Variants in CAVIN3 observed in about 807,000 individuals in gnomAD.
CAVIN3 encodes caveolae associated protein 3.
CAVIN3 carries 11 observed loss-of-function variants against 8.2 expected under a neutral mutation model. That is an observed-to-expected ratio of 1.35 (90% confidence interval 0.85 to 2.23). The LOEUF (loss-of-function observed/expected upper bound fraction) is 2.23. Among genes scored for constraint, CAVIN3 ranks in the 30% most tolerant of loss-of-function variants. The pLI, the probability that CAVIN3 is intolerant of heterozygous loss-of-function variation, is 0.00. For missense variants in CAVIN3, 401 were observed against 359.5 expected (o/e 1.12, Z -0.93); for synonymous variants, 191 against 166.3 (o/e 1.15, Z -1.14).
Position 6,320,139 on chromosome 11 carries a change from T to G in CAVIN3, c.338A>C (p.His113Pro). ...CTTCCCGCGCGCCACCAGCAGCCCGTGGTTGGCCTCCAGCCGCTGCACCTG... is the reference window on the plus strand; with the variant it reads ...CTTCCCGCGCGCCACCAGCAGCCCGGGGTTGGCCTCCAGCCGCTGCACCTG... ...AAQVQRLEAN[H>P]GLLVARGKLH... Residue 113 changes from histidine to proline, a missense_variant, in exon 1 of 2, where the codon CAC becomes CCC. His to Pro is a moderately conservative substitution (Grantham distance 77). Coordinates refer to ENST00000303927, the MANE Select transcript of CAVIN3 (RefSeq NM_145040.3). 1 of 1,588,760 alleles carries G rather than the reference T, an allele frequency of 6.3e-7. No individual in the cohort carries two copies. Among genetic ancestry groups the G allele is most frequent in the Non-Finnish European group, 8.5e-7 (1 of 1,175,792 alleles).
Position 6,319,249 on chromosome 11 carries a change from G to C in CAVIN3, c.700C>G (p.Pro234Ala), listed in dbSNP as rs781381437. 1 of 1,601,428 alleles carries C rather than the reference G, an allele frequency of 6.2e-7. No homozygotes were observed. The highest frequency in any genetic ancestry group is 8.5e-7 in the Non-Finnish European group (1 of 1,175,004). The change falls in exon 2 of 2, where the codon CCA becomes GCA. Residue 234 changes from proline to alanine, a missense_variant. Pro to Ala is a conservative substitution (Grantham distance 27). Coordinates refer to ENST00000303927, the MANE Select transcript of CAVIN3 (RefSeq NM_145040.3). ...TCCTCGGTGTCCTGCGGAGGCTCTG[G>C]CTCCAGCGTGGGCTCCAGCGCAGGC... ...AQPALEPTLEPEPPQDTEEDP... is the reference protein window; with the variant it reads ...AQPALEPTLEAEPPQDTEEDP...
In CAVIN3 at chr11:6,319,465, C is replaced by T. The variant is rs564718883; in HGVS notation, c.484G>A (p.Val162Ile). ...GGCTCCTCGTCCGAGCTCTCTCCAA[C>T]TTCGGCCTCCAGCTGCTCTGGGCCC... The part of the protein sequence containing the change: ...ELGPEQLEAE[V>I]GESSDEEPVE... Residue 162 changes from valine (V) to isoleucine (I), a missense_variant, in exon 2 of 2, where the codon GTT becomes ATT. Coordinates refer to ENST00000303927, the MANE Select transcript of CAVIN3 (RefSeq NM_145040.3). 9 of 1,609,852 alleles carry T rather than the reference C, an allele frequency of 5.6e-6. No individual in the cohort carries two copies. In the African/African-American group the frequency reaches 8.0e-5, roughly 14 times the overall value.
rs1173271599 is a variant in CAVIN3, at chr11:6,319,039, A to G, written c.*124T>C. The G allele has an allele frequency of 1.1e-6, 1 of 951,548 alleles. No individual in the cohort carries two copies. Among genetic ancestry groups the G allele is most frequent in the South Asian group, 2.0e-5 (1 of 49,254 alleles). The allele number at this position is 951,548 out of a possible 1,614,324, so 58.9% of individuals were successfully genotyped here. Reference sequence around the variant, plus strand: ...ACACAGGACTGGGCTTAAGGAAGGGAGGGCCAGAGCGCCCGCCTTGGTGGA... The same window carrying G: ...ACACAGGACTGGGCTTAAGGAAGGGGGGGCCAGAGCGCCCGCCTTGGTGGA... On this transcript the variant is annotated 3_prime_UTR_variant, in exon 2 of 2. Transcript: ENST00000303927.
Position 6,319,161 on chromosome 11 carries a change from C to T in CAVIN3, c.*2G>A, listed in dbSNP as rs1846765307. ...CACAGGGGAGGCAGGCAACACCAGC[C>T]CTCAGGCTACACTCTCCATTTGGAG... On this transcript the variant is annotated 3_prime_UTR_variant, in exon 2 of 2. Transcript: ENST00000303927. The T allele has an allele frequency of 6.6e-7, 1 of 1,515,626 alleles. No individual in the cohort carries two copies. Among genetic ancestry groups the T allele is most frequent in the South Asian group, 1.3e-5 (1 of 75,036 alleles). 93.9% of individuals were successfully genotyped at this position (1,515,626 alleles called of 1,614,324 possible).
chr11:6,319,509 G>T lies in CAVIN3; in HGVS notation c.440C>A (p.Pro147Gln), dbSNP rs371552164. The T allele has an allele frequency of 1.9e-6, 3 of 1,597,744 alleles. No individual in the cohort carries two copies. ...AFQKAPEPLG[P>Q]ADQSELGPEQ... ...TGGGCCCAGCTCGGACTGGTCCGCC[G>T]GGCCCAAGGGCTCTGGTGCCTTCTG... The change falls in exon 2 of 2, where the codon CCG becomes CAG. Residue 147 changes from proline (P) to glutamine (Q), a missense_variant. Physicochemically the swap from Pro to Gln is moderately conservative, Grantham distance 76. Transcript: ENST00000303927.
Position 6,319,378 on chromosome 11 carries a change from T to G in CAVIN3, c.571A>C (p.Arg191=). 6.2e-7 allele frequency: 1 copy of G among 1,600,170 alleles called. No individual in the cohort carries two copies. Among genetic ancestry groups the G allele is most frequent in the Non-Finnish European group, 8.5e-7 (1 of 1,174,860 alleles). Residue 191 remains arginine, a synonymous_variant, in exon 2 of 2, where the codon AGG becomes CGG. Coordinates refer to ENST00000303927, the MANE Select transcript of CAVIN3 (RefSeq NM_145040.3). Reference sequence around the variant, plus strand: ...GGGCCTTTCCGGCCCGAAAGGGCCCTTCGGAGGCTCTGTACCTTCTGCAAT... The same window carrying G: ...GGGCCTTTCCGGCCCGAAAGGGCCCGTCGGAGGCTCTGTACCTTCTGCAAT... The part of the protein sequence containing the change: ...TGLQKVQSLR[R]ALSGRKGPAA...
Position 6,319,650 on chromosome 11 carries a change from C to A in CAVIN3, c.385-86G>T, listed in dbSNP as rs1357325966. The A allele has an allele frequency of 2.7e-6, 4 of 1,465,434 alleles. No individual in the cohort carries two copies. In the East Asian group the frequency reaches 7.4e-5, roughly 27 times the overall value. 90.8% of individuals were successfully genotyped at this position (1,465,434 alleles called of 1,614,324 possible). A position where few individuals can be genotyped will look rare whatever the true frequency, so the allele number is the denominator to read the frequency against. On this transcript the variant is annotated intron_variant, in intron 1 of 1. Transcript: ENST00000303927. Reference sequence around the variant, plus strand: ...CACTCCTTAATTACACAAGGGAAACCTTTTACCTCCGCAGCCAGAGTCTGG... The same window carrying A: ...CACTCCTTAATTACACAAGGGAAACATTTTACCTCCGCAGCCAGAGTCTGG...
chr11:6,319,921 TG>T, intron 1 of CAVIN3, 171 bp downstream of exon 1: 2 of 781,326 alleles, frequency 2.6e-6, no homozygotes, highest in Non-Finnish European at 4.0e-6. Flanking sequence ...GAGGGAGGGA[TG>T]GGGCTGGGTC....
Position 6,320,212 on chromosome 11 carries a change from T to C in CAVIN3, c.265A>G (p.Ser89Gly), listed in dbSNP as rs1228398965. ...TCTTGGGCGGCGTTGGCGTGCGAGC[T>C]CACGCGCTCCGCCTTGGCCAGCAGC... ...AQLLAKAERV[S>G]SHANAAQERA... Residue 89 changes from serine to glycine, a missense_variant, in exon 1 of 2, where the codon AGC (serine) becomes GGC (glycine). By Grantham distance (56) the Ser-to-Gly change is moderately conservative (BLOSUM62 0). Coordinates refer to ENST00000303927, the MANE Select transcript of CAVIN3 (RefSeq NM_145040.3). 7 of 1,564,986 alleles carry C rather than the reference T, an allele frequency of 4.5e-6. No homozygotes were observed. The highest frequency in any genetic ancestry group is 3.4e-6 in the Non-Finnish European group (4 of 1,162,878).
In CAVIN3 at chr11:6,319,076, C is replaced by T; in HGVS notation, c.*87G>A. The T allele has an allele frequency of 1.4e-6, 2 of 1,389,478 alleles. No homozygotes were observed. Among genetic ancestry groups the T allele is most frequent in the South Asian group, 3.1e-5 (2 of 63,986 alleles). The allele number at this position is 1,389,478 out of a possible 1,614,324, so 86.1% of individuals were successfully genotyped here. On this transcript the variant is annotated 3_prime_UTR_variant, in exon 2 of 2. Transcript: ENST00000303927. Reference sequence around the variant, plus strand: ...CCCGCCTTGGTGGATGTAGGATTCGCTCCTTATTAGGGCGTGAGTGCTACA... The same window carrying T: ...CCCGCCTTGGTGGATGTAGGATTCGTTCCTTATTAGGGCGTGAGTGCTACA...
At position 6,319,591 on chromosome 11, in the gene CAVIN3, C is replaced by G. The variant is rs765268995; in HGVS notation, c.385-27G>C. 13 of 1,548,784 alleles carry G rather than the reference C, an allele frequency of 8.4e-6. No homozygotes were observed. The South Asian group carries it at 1.4e-4, about 17-fold the overall frequency. On this transcript the variant is annotated intron_variant, in intron 1 of 1. Coordinates refer to ENST00000303927, the MANE Select transcript of CAVIN3 (RefSeq NM_145040.3). Reference sequence around the variant, plus strand: ...TGCATGTGACGGACACAGCACTGATCCTGGCAGCTCCTTACCCCCAGCAGC... The same window carrying G: ...TGCATGTGACGGACACAGCACTGATGCTGGCAGCTCCTTACCCCCAGCAGC...
chr11:6,320,041 G>A, intron 1 of CAVIN3, 52 bp downstream of exon 1: 2 of 1,516,906 alleles, frequency 1.3e-6, no homozygotes, highest in East Asian at 2.3e-5. Context: ...CCCAGCTGGT[G>A]GCCCACAGGC....
In CAVIN3 at chr11:6,319,531, T is replaced by C; in HGVS notation, c.418A>G (p.Lys140Glu). The C allele has an allele frequency of 6.3e-7, 1 of 1,593,050 alleles. No homozygotes were observed. ...GCCGGGCCCAAGGGCTCTGGTGCCT[T>C]CTGGAAAGCGCTGGCTGGGACTTCA... ...EGEVPASAFQ[K>E]APEPLGPADQ... The change falls in exon 2 of 2, where the codon AAG becomes GAG. Residue 140 changes from lysine to glutamate, a missense_variant. Lys to Glu is a moderately conservative substitution (Grantham distance 56). Coordinates refer to ENST00000303927, the MANE Select transcript of CAVIN3 (RefSeq NM_145040.3).
Position 6,319,279 on chromosome 11 carries a change from C to T in CAVIN3, c.670G>A (p.Ala224Thr). 6.2e-7 allele frequency: 1 copy of T among 1,608,942 alleles called. No homozygotes were observed. Among genetic ancestry groups the T allele is most frequent in the Non-Finnish European group, 8.5e-7 (1 of 1,177,752 alleles). Residue 224 changes from alanine (A) to threonine (T), a missense_variant, in exon 2 of 2, where the codon GCC becomes ACC. Physicochemically the swap from Ala to Thr is moderately conservative, Grantham distance 58. Transcript: ENST00000303927. ...PGRSAEAQPE[A>T]QPALEPTLEP... Reference sequence around the variant, plus strand: ...AGCGTGGGCTCCAGCGCAGGCTGGGCTTCCGGCTGGGCTTCAGCGCTCCGG... The same window carrying T: ...AGCGTGGGCTCCAGCGCAGGCTGGGTTTCCGGCTGGGCTTCAGCGCTCCGG...
chr11:6,319,670 G>T, intron 1 of CAVIN3, 106 bp from the exon 2 acceptor site: 2 of 1,380,314 alleles, frequency 1.4e-6, no homozygotes, highest in Non-Finnish European at 2.0e-6. Context: ...CGCAGCCAGA[G>T]TCTGGGGGGA....
At position 6,320,157 on chromosome 11, in the gene CAVIN3, T is replaced by C. The variant is rs1338906270; in HGVS notation, c.320A>G (p.Gln107Arg). Residue 107 changes from glutamine to arginine, a missense_variant, in exon 1 of 2, where the codon CAG becomes CGG. By Grantham distance (43) the Gln-to-Arg change is conservative. Coordinates refer to ENST00000303927, the MANE Select transcript of CAVIN3 (RefSeq NM_145040.3). ...CAGCCCGTGGTTGGCCTCCAGCCGC[T>C]GCACCTGGGCTGCGCGGCGCACCGC... The part of the protein sequence containing the change: ...ERAVRRAAQV[Q>R]RLEANHGLLV... 6.3e-6 allele frequency: 10 copies of C among 1,585,190 alleles called. No homozygotes were observed. The highest frequency in any genetic ancestry group is 8.5e-6 in the Non-Finnish European group (10 of 1,173,980).
intron 1 of CAVIN3, 64 bp downstream of exon 1, chr11:6,320,029 C>T (rs940930088): frequency 2.7e-6 from 4 of 1,485,238 alleles, no homozygotes; most frequent in East Asian, 4.8e-5. Context: ...AAGCGGGGAG[C>T]CCCCAGCTGG....
At position 6,319,066 on chromosome 11, in the gene CAVIN3, G is replaced by A. The variant is rs796500538; in HGVS notation, c.*97C>T. On this transcript the variant is annotated 3_prime_UTR_variant, in exon 2 of 2. Transcript: ENST00000303927. ...GGCCAGAGCGCCCGCCTTGGTGGAT[G>A]TAGGATTCGCTCCTTATTAGGGCGT... The A allele has an allele frequency of 1.7e-5, 23 of 1,318,172 alleles. 1 individual carries two copies. The East Asian group carries it at 3.0e-4, about 17-fold the overall frequency. 81.7% of individuals were successfully genotyped at this position (1,318,172 alleles called of 1,614,324 possible).
At position 6,319,484 on chromosome 11, in the gene CAVIN3, TG is replaced by T; in HGVS notation, c.464del (p.Pro155GlnfsTer106). On this transcript the variant is annotated frameshift_variant, in exon 2 of 2. Transcript: ENST00000303927. LOFTEE classifies it low-confidence loss of function (END_TRUNC). ...CTCCAACTTCGGCCTCCAGCTGCTC[TG>T]GGCCCAGCTCGGACTGGTCCGCCGG... Reference protein sequence around the residue: ...LGPADQSELGPEQLEAEVGES... With the variant: ...LGPADQSELGXEQLEAEVGES... The T allele has an allele frequency of 6.2e-7, 1 of 1,605,572 alleles. No homozygotes were observed.
Sources: allele counts gnomAD v4.1 joint callset, GRCh38; gene constraint gnomAD v4.1.1; transcripts MANE v1.5; gene names NCBI Gene and HGNC (gene_info 2026-07-23, HGNC 2026-07-21).